OLA1: variants seen among roughly 807,000 people sequenced by gnomAD.
OLA1 encodes obg-like ATPase 1.
In OLA1, 14 loss-of-function variants were observed where a neutral mutation model predicts 48.4. The ratio of observed to expected loss-of-function variants is 0.29; its 90% CI spans 0.19 to 0.45. The LOEUF (loss-of-function observed/expected upper bound fraction) is 0.45, where lower values mean the gene tolerates loss of function less well. OLA1 is among the 20% of genes least tolerant of loss of function. The pLI is 1.00. For missense variants in OLA1, 325 were observed against 467.1 expected (o/e 0.70, Z 2.80); for synonymous variants, 127 against 150.4 (o/e 0.84, Z 1.14).
intron 4 of OLA1, among the ~76,000 whole-genome samples, chr2:174,190,006 T>A (rs1159561121): frequency 1.3e-5 from 2 of 152,066 alleles, no homozygotes; most frequent in Non-Finnish European, 2.9e-5. Context: ...ACAATAACTG[T>A]GCGCTGCTGT....
intron 4 of OLA1, among the ~76,000 whole-genome samples, chr2:174,221,561 T>TCC (rs1354615343): frequency 6.6e-6 from 1 of 152,140 alleles, no homozygotes; most frequent in Non-Finnish European, 1.5e-5. Flanking sequence ...ACTCACTTTC[T>TCC]CATACCCAAA....
Position 174,075,535 on chromosome 2 carries a change from C to G in OLA1, c.1090-8G>C, listed in dbSNP as rs772688477. 17 of 1,554,728 alleles carry G rather than the reference C, an allele frequency of 1.1e-5. 1 individual carries two copies. In the Middle Eastern group the frequency reaches 5.0e-4, roughly 46 times the overall value. On this transcript the variant is annotated splice_region_variant and splice_polypyrimidine_tract_variant and intron_variant, in intron 10 of 10. Coordinates refer to ENST00000284719, the MANE Select transcript of OLA1 (RefSeq NM_013341.5). ...TCTGTACTTTCCAGCAGCCTGCAAA[C>G]AGAAAATATAGAGGAAATGGGTTAT... is the stretch of plus-strand genomic sequence containing the variant.
At chr2:174,115,748 T>C (rs1685766311) in intron 7 of OLA1, among the ~76,000 whole-genome samples, 1 of 152,212 alleles carries the variant, frequency 6.6e-6, no homozygotes, top group South Asian at 2.1e-4. Flanking sequence ...GAGCTTTCCA[T>C]GGATTCTCTC....
Position 174,123,675 on chromosome 2 carries a change from C to T in OLA1, c.550G>A (p.Asp184Asn). The change falls in exon 6 of 11, where the codon GAT (aspartate) becomes AAT (asparagine). Residue 184 changes from aspartate to asparagine, a missense_variant and splice_region_variant. Asp to Asn is a conservative substitution (Grantham distance 23). Coordinates refer to ENST00000284719, the MANE Select transcript of OLA1 (RefSeq NM_013341.5). ...CAGGATTTTACTTTGCACATTATAT[C>T]CTACACATGATTGAGAAAAAGGTAA... ...GGDKKLKPEY[D>N]IMCKVKSWVI... The T allele has an allele frequency of 6.6e-7, 1 of 1,526,608 alleles. No homozygotes were observed. Among genetic ancestry groups the T allele is most frequent in the Non-Finnish European group, 8.9e-7 (1 of 1,125,654 alleles). 94.6% of individuals were successfully genotyped at this position (1,526,608 alleles called of 1,614,324 possible). A position where few individuals can be genotyped will look rare whatever the true frequency, so the allele number is the denominator to read the frequency against.
At chr2:174,239,237 A>T (rs1168628084) in intron 2 of OLA1, among the ~76,000 whole-genome samples, 7 of 152,212 alleles carry the variant, frequency 4.6e-5, no homozygotes, top group Non-Finnish European at 2.9e-5. Context: ...GAAACAATAT[A>T]TGTACAAAAT....
chr2:174,111,737 C>T (rs1558958967), intron 7 of OLA1, among the ~76,000 whole-genome samples: 1 of 152,206 alleles, frequency 6.6e-6, no homozygotes. Flanking sequence ...CACTTCCCTA[C>T]TCCCAAAGTA....
intron 4 of OLA1, among the ~76,000 whole-genome samples, chr2:174,145,436 T>A (rs1467984218): frequency 6.6e-6 from 1 of 152,100 alleles, no homozygotes; most frequent in East Asian, 1.9e-4. Context: ...AGCATTTAGT[T>A]TTAGTGCACT....
At chr2:174,181,018 A>G (rs1687520177) in intron 4 of OLA1, among the ~76,000 whole-genome samples, 1 of 152,344 alleles carries the variant, frequency 6.6e-6, no homozygotes, top group East Asian at 1.9e-4. Context: ...CATACAAGGA[A>G]TGTACAAGGA....
intron 7 of OLA1, among the ~76,000 whole-genome samples, chr2:174,085,086 T>C (rs1684939092): frequency 1.3e-5 from 2 of 152,172 alleles, no homozygotes; most frequent in South Asian, 4.1e-4. Context: ...TCCTCAGTCT[T>C]AGGAGTAACA....
intron 7 of OLA1, among the ~76,000 whole-genome samples, chr2:174,117,610 T>A (rs1428981992): frequency 6.6e-6 from 1 of 152,188 alleles, no homozygotes; most frequent in African/African-American, 2.4e-5. Context: ...CAAAGGTAGA[T>A]GCTGTGTCTG....
chr2:174,100,987 A>G (rs1685383908), intron 7 of OLA1, among the ~76,000 whole-genome samples: 1 of 152,232 alleles, frequency 6.6e-6, no homozygotes, highest in Non-Finnish European at 1.5e-5. Context: ...TACTCTGTGT[A>G]GTAAATGCAT....
intron 4 of OLA1, among the ~76,000 whole-genome samples, chr2:174,202,665 G>A (rs1688017155): frequency 6.6e-6 from 1 of 152,130 alleles, no homozygotes. Flanking sequence ...CGTAGATTGA[G>A]ATCTACAGCT....
intron 7 of OLA1, among the ~76,000 whole-genome samples, chr2:174,116,813 C>CCAACA (rs1180982031): frequency 6.6e-6 from 1 of 152,130 alleles, no homozygotes; most frequent in Non-Finnish European, 1.5e-5. Context: ...TGCCTCACCC[C>CCAACA]CAACACATAC....
intron 4 of OLA1, among the ~76,000 whole-genome samples, chr2:174,181,331 A>C (rs913192967): frequency 1.3e-5 from 2 of 152,194 alleles, no homozygotes; most frequent in Non-Finnish European, 2.9e-5. Context: ...TTGTGAAGGC[A>C]AACAAAGAAA....
At chr2:174,128,060 TAG>T (rs1686085235) in intron 5 of OLA1, among the ~76,000 whole-genome samples, 1 of 151,618 alleles carries the variant, frequency 6.6e-6, no homozygotes, top group South Asian at 2.1e-4. Context: ...GTAATTAGAA[TAG>T]TATGACACTG....
intron 5 of OLA1, among the ~76,000 whole-genome samples, chr2:174,131,917 C>T (rs893341369): frequency 6.6e-6 from 1 of 152,064 alleles, no homozygotes; most frequent in Non-Finnish European, 1.5e-5. Flanking sequence ...TGACCTCACA[C>T]AAGTTTTTCC....
chr2:174,104,623 T>C (rs575414022), intron 7 of OLA1, among the ~76,000 whole-genome samples: 29 of 152,142 alleles, frequency 1.9e-4, no homozygotes, highest in South Asian at 1.2e-3. Context: ...TCTGTCCATT[T>C]TGTGGGATGG....
At chr2:174,134,349 T>G (rs1336841318) in intron 5 of OLA1, among the ~76,000 whole-genome samples, 1 of 151,910 alleles carries the variant, frequency 6.6e-6, no homozygotes, top group Non-Finnish European at 1.5e-5. Context: ...GGACACAGTG[T>G]GATGTTTTGA....
chr2:174,132,210 T>C (rs1179430823), intron 5 of OLA1, among the ~76,000 whole-genome samples: 2 of 152,108 alleles, frequency 1.3e-5, no homozygotes, highest in African/African-American at 4.8e-5. Flanking sequence ...CACATTTTCG[T>C]TCATAATGCT....
Sources: allele counts gnomAD v4.1 joint callset (sites outside exome capture counted in the v4.1 genomes callset), GRCh38; gene constraint gnomAD v4.1.1; transcripts MANE v1.5; gene names NCBI Gene and HGNC (gene_info 2026-07-23, HGNC 2026-07-21).